Variants in PTPRT observed in about 807,000 individuals in gnomAD.
PTPRT encodes the protein protein tyrosine phosphatase receptor type T, also known as receptor-type tyrosine-protein phosphatase T.
A neutral mutation model predicts 176.8 loss-of-function variants in PTPRT; 56 were observed. The ratio of observed to expected loss-of-function variants is 0.32; its 90% confidence interval spans 0.26 to 0.40. The LOEUF (loss-of-function observed/expected upper bound fraction) is 0.40. Among genes scored for constraint, PTPRT ranks in the 10% least tolerant of loss-of-function variants. PTPRT has a pLI of 1.00. For synonymous variants in PTPRT, 783 were observed against 739.0 expected (o/e 1.06, Z -0.96); for missense variants, 1,540 against 1,908.2 (o/e 0.81, Z 3.60).
In PTPRT at chr20:42,098,430, G is replaced by A. The variant is rs756910454; in HGVS notation, c.3837C>T (p.Asp1279=). ...CTTGGCCTCCTCCTACCTGGGCAGT[G>A]TCCATCTCATTCAGCATCACCACAG... The part of the protein sequence containing the change: ...CSSVVMLNEM[D]TAQFCMQYWP... Residue 1279 remains aspartate, a synonymous_variant, in exon 27 of 31, where the codon GAC becomes GAT. Coordinates refer to ENST00000373187, the MANE Select transcript of PTPRT (RefSeq NM_007050.6). 3.1e-6 allele frequency: 5 copies of A among 1,614,150 alleles called. No individual in the cohort carries two copies. In the South Asian group the frequency reaches 3.3e-5, roughly 11 times the overall value.
At chr20:42,464,724 C>T (rs2071076432) in intron 8 of PTPRT, among the ~76,000 whole-genome samples, 1 of 152,196 alleles carries the variant, frequency 6.6e-6, no homozygotes, top group Non-Finnish European at 1.5e-5. Flanking sequence ...CACTCTTACA[C>T]TAAATGACTC....
At chr20:42,739,362 G>GGGAAGAGAGGA (rs1406447460) in intron 6 of PTPRT, among the ~76,000 whole-genome samples, 3 of 152,146 alleles carry the variant, frequency 2.0e-5, no homozygotes, top group Non-Finnish European at 4.4e-5. Flanking sequence ...ATGTGGTAGG[G>GGGAAGAGAGGA]GGAAGAGAGG....
At chr20:43,096,171 TC>T (rs1478479817) in intron 1 of PTPRT, among the ~76,000 whole-genome samples, 4 of 149,288 alleles carry the variant, frequency 2.7e-5, no homozygotes, top group Non-Finnish European at 5.9e-5. Flanking sequence ...CTACTCTATC[TC>T]CCCGCCTTGC....
rs562357222 is a variant in PTPRT at position 42,141,718 on chromosome 20, T to A, written c.2770+197A>T. ...CATCTCCCTGCCTGCTCCCTCTGGC[T>A]GAGATCAGCCATGCTCTGTCATCCA... On this transcript the variant is annotated intron_variant, in intron 18 of 30. Transcript: ENST00000373187. Among the ~76,000 whole-genome samples, 11 of 152,324 alleles carry A rather than the reference T, an allele frequency of 7.2e-5. No individual in the cohort carries two copies. The South Asian group carries it at 2.1e-3, about 29-fold the overall frequency.
intron 17 of PTPRT, among the ~76,000 whole-genome samples, chr20:42,149,855 G>C (rs1033104948): frequency 6.6e-6 from 1 of 151,980 alleles, no homozygotes; most frequent in Non-Finnish European, 1.5e-5. Context: ...TTATCATCTG[G>C]TACCCGCCCC....
At chr20:42,573,654 C>T (rs1456030223) in intron 7 of PTPRT, among the ~76,000 whole-genome samples, 1 of 152,008 alleles carries the variant, frequency 6.6e-6, no homozygotes, top group East Asian at 1.9e-4. Flanking sequence ...CTTCTGTCCA[C>T]ACTTATCAGA....
At chr20:43,135,504 G>C (rs1408366356) in intron 1 of PTPRT, among the ~76,000 whole-genome samples, 3 of 152,202 alleles carry the variant, frequency 2.0e-5, no homozygotes, top group African/African-American at 4.8e-5. Flanking sequence ...CTGGTGGTTA[G>C]AATTGTGGGT....
chr20:42,668,120 C>G (rs1255251438), intron 7 of PTPRT, among the ~76,000 whole-genome samples: 2 of 152,218 alleles, frequency 1.3e-5, no homozygotes, highest in Middle Eastern at 3.4e-3. Flanking sequence ...CATTCCTAAA[C>G]AGCTAAGTAG....
chr20:42,874,527 A>AATATAC (rs1486591829), intron 2 of PTPRT, among the ~76,000 whole-genome samples: 1 of 152,254 alleles, frequency 6.6e-6, no homozygotes, highest in Non-Finnish European at 1.5e-5. Context: ...TATGGTATCT[A>AATATAC]ATATACAATT....
chr20:42,881,753 A>G (rs1644468413), intron 2 of PTPRT, among the ~76,000 whole-genome samples: 1 of 148,428 alleles, frequency 6.7e-6, no homozygotes, highest in Non-Finnish European at 1.5e-5. Context: ...AAAAAAAGAG[A>G]GAGAGAGACA....
intron 14 of PTPRT, among the ~76,000 whole-genome samples, chr20:42,246,193 C>T (rs893425571): frequency 1.3e-5 from 2 of 151,978 alleles, no homozygotes; most frequent in African/African-American, 4.8e-5. Context: ...AGAAGAGGTA[C>T]ACAGAATTTC....
In PTPRT at chr20:43,189,841, G is replaced by T. The variant is rs1247081476; in HGVS notation, c.-108C>A. On this transcript the variant is annotated 5_prime_UTR_variant, in exon 1 of 31. Coordinates refer to ENST00000373187, the MANE Select transcript of PTPRT (RefSeq NM_007050.6). This position sits in a 1 kb window ranked among gnomAD's most constrained non-coding sequence, Gnocchi z 5.0. ...CGGCGCGGCCGCTGGCTGTGCGCGCGGCTGGCTCCGCTCGGGCTCCCGGAG... is the reference window on the plus strand; with the variant it reads ...CGGCGCGGCCGCTGGCTGTGCGCGCTGCTGGCTCCGCTCGGGCTCCCGGAG... 4 of 465,832 alleles carry T rather than the reference G, an allele frequency of 8.6e-6. No individual in the cohort carries two copies. The highest frequency in any genetic ancestry group is 5.6e-6 in the Non-Finnish European group (2 of 355,310). The allele number at this position is 465,832 out of a possible 1,614,324, so 28.9% of individuals were successfully genotyped here.
intron 1 of PTPRT, among the ~76,000 whole-genome samples, chr20:42,898,199 C>G (rs2079337188): frequency 6.6e-6 from 1 of 152,074 alleles, no homozygotes; most frequent in Non-Finnish European, 1.5e-5. Flanking sequence ...TGAACCCTCT[C>G]CGAGAACCTT....
chr20:43,005,379 CT>C (rs1048738628), intron 1 of PTPRT, among the ~76,000 whole-genome samples: 6 of 152,102 alleles, frequency 3.9e-5, no homozygotes, highest in Admixed American at 6.5e-5. Flanking sequence ...TCTGTGTCAC[CT>C]CAGGGACTTT....
At chr20:42,724,261 C>T (rs1190742353) in intron 6 of PTPRT, among the ~76,000 whole-genome samples, 5 of 152,156 alleles carry the variant, frequency 3.3e-5, no homozygotes, top group African/African-American at 7.2e-5. Context: ...TGCATCAACA[C>T]CAGCTGTGTG....
intron 13 of PTPRT, among the ~76,000 whole-genome samples, chr20:42,272,186 T>C (rs932812952): frequency 1.3e-5 from 2 of 152,146 alleles, no homozygotes; most frequent in Non-Finnish European, 2.9e-5. Flanking sequence ...ATGGAAATTA[T>C]ATAAAATGCA....
At chr20:42,717,041 T>TG (rs1019784573) in intron 6 of PTPRT, among the ~76,000 whole-genome samples, 13 of 58,046 alleles carry the variant, frequency 2.2e-4, no homozygotes, top group South Asian at 2.1e-3. Context: ...TGTTGTGGGG[T>TG]GGGGGGAGGC....
intron 9 of PTPRT, among the ~76,000 whole-genome samples, chr20:42,404,592 C>T (rs1438947323): frequency 1.3e-5 from 2 of 152,096 alleles, no homozygotes; most frequent in Admixed American, 6.6e-5. Context: ...CAAGGCCATT[C>T]TGCTCTCTTG....
intron 7 of PTPRT, among the ~76,000 whole-genome samples, chr20:42,477,237 C>T (rs1415625236): frequency 3.9e-5 from 6 of 152,188 alleles, no homozygotes; most frequent in Admixed American, 3.9e-4. Flanking sequence ...AGTAACCTCA[C>T]AACGTGGCAC....
Sources: gnomAD v4.1 joint callset for allele counts (sites outside exome capture counted in the v4.1 genomes callset) on GRCh38, gnomAD v4.1.1 for gene constraint, Gnocchi (gnomAD v3.1) non-coding constraint, MANE v1.5 for transcripts, NCBI Gene and HGNC (gene_info 2026-07-23, HGNC 2026-07-21) for gene names.